PAPPA: variants seen among roughly 807,000 people sequenced by gnomAD.
The protein encoded by PAPPA is pappalysin 1, also known as pappalysin-1.
A neutral mutation model predicts 164.0 loss-of-function variants in PAPPA; 60 were observed. That is an observed-to-expected ratio of 0.37 (90% CI 0.30 to 0.45). The LOEUF (loss-of-function observed/expected upper bound fraction) is 0.45. PAPPA is among the 20% of genes least tolerant of loss of function. PAPPA has a pLI of 1.00. For missense variants in PAPPA, 1,782 were observed against 2,087.3 expected, an observed-to-expected ratio of 0.85 and a Z score of 2.85; for synonymous variants, 875 against 814.1, an observed-to-expected ratio of 1.07 and a Z score of -1.27.
In PAPPA at chr9:116,333,202, T is replaced by G. The variant is rs528055517; in HGVS notation, c.3397+734T>G. On this transcript the variant is annotated intron_variant, in intron 12 of 21. Coordinates refer to ENST00000328252, the MANE Select transcript of PAPPA (RefSeq NM_002581.5). ...TCCTGTCCCCACCACTCACTCACCT[T>G]GAGAAGGTGAGCAATCTTCCTGTCC... Among the ~76,000 whole-genome samples, 5 of 152,264 alleles carry G rather than the reference T, an allele frequency of 3.3e-5. No individual in the cohort carries two copies. In the South Asian group the frequency reaches 1.0e-3, roughly 32 times the overall value.
intron 2 of PAPPA, among the ~76,000 whole-genome samples, chr9:116,193,293 C>T (rs1215475429): frequency 3.3e-5 from 5 of 152,102 alleles, no homozygotes; most frequent in Admixed American, 1.3e-4. Context: ...CTATAGCCCC[C>T]GTTAGCCTCT....
chr9:116,154,182 T>C lies in PAPPA; in HGVS notation c.10T>C (p.Trp4Arg), dbSNP rs1174728603. The change falls in exon 1 of 22, where the codon TGG becomes CGG. Residue 4 changes from tryptophan (W) to arginine (R), a missense_variant. Around this residue, in one of 2 missense-constraint regions of PAPPA, gnomAD observed 458 missense variants for 430.3 expected, o/e 1.06. Transcript: ENST00000328252. The surrounding 1 kb of genome is among the most constrained non-coding windows in gnomAD (Gnocchi z 5.2). The part of the protein sequence containing the change: MRL[W>R]SWVLHLGLLS... ...GGGGGAACCGTCGGACATGCGGCTC[T>C]GGAGTTGGGTGCTGCACCTGGGGCT... The C allele has an allele frequency of 2.7e-6, 4 of 1,481,070 alleles. No individual in the cohort carries two copies. The highest frequency in any genetic ancestry group is 2.7e-6 in the Non-Finnish European group (3 of 1,115,490). The allele number at this position is 1,481,070 out of a possible 1,614,324, so 91.7% of individuals were successfully genotyped here.
chr9:116,303,907 C>T (rs544907140), intron 10 of PAPPA, among the ~76,000 whole-genome samples: 2 of 152,198 alleles, frequency 1.3e-5, no homozygotes, highest in Non-Finnish European at 2.9e-5. Context: ...TTGATTATTT[C>T]TTCATTCACT....
intron 1 of PAPPA, among the ~76,000 whole-genome samples, chr9:116,172,674 C>T (rs952535796): frequency 4.6e-5 from 7 of 152,146 alleles, no homozygotes; most frequent in African/African-American, 1.7e-4. Context: ...TGTTCTTGGC[C>T]TCCTCCTCAT....
intron 2 of PAPPA, among the ~76,000 whole-genome samples, chr9:116,190,634 C>T (rs1395707094): frequency 1.3e-5 from 2 of 152,192 alleles, no homozygotes; most frequent in Non-Finnish European, 2.9e-5. Context: ...AACTGTGTAT[C>T]ATTGAGACAG....
At position 116,211,938 on chromosome 9, in the gene PAPPA, G is replaced by A; in HGVS notation, c.1918+6G>A. 2 of 1,612,022 alleles carry A rather than the reference G, an allele frequency of 1.2e-6. No homozygotes were observed. The highest frequency in any genetic ancestry group is 8.5e-7 in the Non-Finnish European group (1 of 1,178,354). ...CAACTTCATGAGCTATGCAGGTAGG[G>A]CCCTACACTCTGTAGGGTGAACAGG... is the stretch of plus-strand genomic sequence containing the variant. On this transcript the variant is annotated splice_donor_region_variant and intron_variant, in intron 4 of 21. Transcript: ENST00000328252.
intron 9 of PAPPA, among the ~76,000 whole-genome samples, chr9:116,284,532 C>T (rs1845307008): frequency 2.3e-5 from 3 of 132,394 alleles, no homozygotes; most frequent in Admixed American, 7.9e-5. Context: ...AAATCTCTAT[C>T]TTTAGTCTGG....
At chr9:116,188,259 C>T in intron 2 of PAPPA, 43 bp downstream of exon 2, 1 of 1,438,504 alleles carries the variant, frequency 7.0e-7, no homozygotes, top group Non-Finnish European at 9.6e-7. Flanking sequence ...GAAAGTTGAA[C>T]TTGATGTCCT....
intron 9 of PAPPA, among the ~76,000 whole-genome samples, chr9:116,284,623 C>T (rs915185033): frequency 2.1e-5 from 3 of 139,776 alleles, no homozygotes; most frequent in Admixed American, 7.5e-5. Flanking sequence ...AGGGAACTCA[C>T]ATTCGACACA....
At chr9:116,210,801 C>T (rs983401857) in intron 3 of PAPPA, among the ~76,000 whole-genome samples, 2 of 152,092 alleles carry the variant, frequency 1.3e-5, no homozygotes, top group African/African-American at 2.4e-5. Flanking sequence ...TGGGGTGAGG[C>T]CCGAGATTCT....
At chr9:116,310,292 C>A (rs1845700274) in intron 10 of PAPPA, among the ~76,000 whole-genome samples, 1 of 152,136 alleles carries the variant, frequency 6.6e-6, no homozygotes, top group South Asian at 2.1e-4. Context: ...GGAGGAAAGG[C>A]GAAGGGAACA....
chr9:116,305,140 C>CAG (rs1234867188), intron 10 of PAPPA, among the ~76,000 whole-genome samples: 23 of 138,454 alleles, frequency 1.7e-4, no homozygotes, highest in African/African-American at 4.8e-4. Flanking sequence ...CACAGACACA[C>CAG]ACACACACAC....
At chr9:116,242,846 T>C (rs1844751794) in intron 7 of PAPPA, among the ~76,000 whole-genome samples, 2 of 152,146 alleles carry the variant, frequency 1.3e-5, no homozygotes, top group South Asian at 2.1e-4. Context: ...ATAATGAAAG[T>C]GTTTTTTCTT....
Position 116,347,312 on chromosome 9 carries a change from G to T in PAPPA, c.3964+103G>T. 1.0e-6 allele frequency: 1 copy of T among 976,062 alleles called. No homozygotes were observed. The highest frequency in any genetic ancestry group is 1.6e-5 in the African/African-American group (1 of 61,064). 60.5% of individuals were successfully genotyped at this position (976,062 alleles called of 1,614,324 possible). A position where few individuals can be genotyped will look rare whatever the true frequency, so the allele number is the denominator to read the frequency against. On this transcript the variant is annotated intron_variant, in intron 15 of 21. Coordinates refer to ENST00000328252, the MANE Select transcript of PAPPA (RefSeq NM_002581.5). This position sits in a 1 kb window ranked among gnomAD's most constrained non-coding sequence, Gnocchi z 4.5. ...GGGTCTCAAACACCAAGGGTGGGAT[G>T]GGTTTTATCTATGCTCCTGACTTCT... is the stretch of plus-strand genomic sequence containing the variant.
intron 2 of PAPPA, among the ~76,000 whole-genome samples, chr9:116,200,614 T>C (rs533478831): frequency 6.6e-6 from 1 of 152,358 alleles, no homozygotes; most frequent in Non-Finnish European, 1.5e-5. Flanking sequence ...GTGTTATTAA[T>C]GTTATCATAT....
chr9:116,192,930 AAACC>A (rs1446043618), intron 2 of PAPPA, among the ~76,000 whole-genome samples: 5 of 152,176 alleles, frequency 3.3e-5, no homozygotes, highest in Non-Finnish European at 5.9e-5. Context: ...ATATTGCAGC[AAACC>A]AACCAAGTTC....
rs1014449635 is a variant in PAPPA at position 116,396,696 on chromosome 9, A to T, written c.*80A>T. On this transcript the variant is annotated 3_prime_UTR_variant, in exon 22 of 22. Transcript: ENST00000328252. ...GTATTGATTTCACAGTCAGCTGCTC[A>T]ACGGAATGGCCTCTCCACACCAGGG... 2.7e-6 allele frequency: 2 copies of T among 729,610 alleles called. No homozygotes were observed. The highest frequency in any genetic ancestry group is 3.4e-5 in the African/African-American group (2 of 57,974). The allele number at this position is 729,610 out of a possible 1,614,324, so 45.2% of individuals were successfully genotyped here.
At chr9:116,283,654 C>T (rs918537682) in intron 9 of PAPPA, among the ~76,000 whole-genome samples, 1 of 152,184 alleles carries the variant, frequency 6.6e-6, no homozygotes, top group African/African-American at 2.4e-5. Flanking sequence ...CAACAGCAGT[C>T]AGAAACCCAG....
At position 116,352,833 on chromosome 9, in the gene PAPPA, G is replaced by A; in HGVS notation, c.4092G>A (p.Glu1364=). 1 of 1,614,000 alleles carries A rather than the reference G, an allele frequency of 6.2e-7. No individual in the cohort carries two copies. The highest frequency in any genetic ancestry group is 8.5e-7 in the Non-Finnish European group (1 of 1,179,940). The part of the protein sequence containing the change: ...NADLQTARCR[E]NKHKVGSFCK... The stretch of plus-strand genomic sequence containing the variant: ...ACCTCCAGACCGCCCGGTGCCGAGA[G>A]AATAAGCACAAGGTGGGCTCCTTCT... The change falls in exon 16 of 22, where the codon GAG becomes GAA. Residue 1364 remains glutamate, a synonymous_variant. Transcript: ENST00000328252.
Sources: gnomAD v4.1 joint callset for allele counts (sites outside exome capture counted in the v4.1 genomes callset) on GRCh38, gnomAD v4.1.1 for gene constraint, gnomAD v4.1.1 regional missense constraint, Gnocchi (gnomAD v3.1) non-coding constraint, MANE v1.5 for transcripts, NCBI Gene and HGNC (gene_info 2026-07-23, HGNC 2026-07-21) for gene names.